MANBA: variants seen among roughly 807,000 people sequenced by gnomAD.
The protein encoded by MANBA is mannosidase beta.
A neutral mutation model predicts 111.1 loss-of-function variants in MANBA; 83 were observed. The observed-to-expected ratio is 0.75, with a 90% CI of 0.63 to 0.90. MANBA has a LOEUF of 0.90. Among genes scored for constraint, MANBA ranks in the 40% least tolerant of loss-of-function variants. MANBA has a pLI of 0.00. For synonymous variants in MANBA, 370 were observed against 378.7 expected, an observed-to-expected ratio of 0.98 and a Z score of 0.27; for missense variants, 1,036 against 1,069.0, an observed-to-expected ratio of 0.97 and a Z score of 0.43.
In MANBA at chr4:102,671,932, A is replaced by G. The variant is rs899582788; in HGVS notation, c.1113-534T>C. The G allele has an allele frequency of 1.5e-4, 62 of 409,454 alleles. 9 individuals carry two copies. The Admixed American group carries it at 1.6e-3, about 10-fold the overall frequency. The allele number at this position is 409,454 out of a possible 1,614,324, so 25.4% of individuals were successfully genotyped here. On this transcript the variant is annotated intron_variant, in intron 8 of 16. Coordinates refer to ENST00000647097, the MANE Select transcript of MANBA (RefSeq NM_005908.4). ...CATGTACCTTCCCTCCATTCCCAGA[A>G]CAGTGCTCAAACCAAGTAACAGGCT...
intron 13 of MANBA, among the ~76,000 whole-genome samples, chr4:102,640,626 G>A (rs1008267968): frequency 8.5e-5 from 13 of 152,148 alleles, no homozygotes; most frequent in Admixed American, 5.2e-4. Flanking sequence ...GGACCACTGA[G>A]GAGAACCCAG....
intron 1 of MANBA, among the ~76,000 whole-genome samples, chr4:102,743,571 C>T (rs1723487562): frequency 6.6e-6 from 1 of 152,124 alleles, no homozygotes. Context: ...GGAGAGACGG[C>T]AGGGTGGCAG....
rs1206132271 is a variant in MANBA at position 102,631,648 on chromosome 4, G to C, written c.*409C>G. 7.0e-6 allele frequency: 3 copies of C among 430,554 alleles called. No individual in the cohort carries two copies. The highest frequency in any genetic ancestry group is 1.8e-4 in the South Asian group (2 of 11,238). 26.7% of individuals were successfully genotyped at this position (430,554 alleles called of 1,614,324 possible). A position where few individuals can be genotyped will look rare whatever the true frequency, so the allele number is the denominator to read the frequency against. On this transcript the variant is annotated 3_prime_UTR_variant, in exon 17 of 17. Coordinates refer to ENST00000647097, the MANE Select transcript of MANBA (RefSeq NM_005908.4). ...GAAATAATAACAAAGCACTTTATTT[G>C]AGTATTCCGTATTCCCCAAAGCTAG...
At chr4:102,729,141 C>A (rs1578944804) in intron 1 of MANBA, 2 of 727,574 alleles carry the variant, frequency 2.7e-6, no homozygotes, top group East Asian at 5.3e-5. Context: ...TCCTTAACAG[C>A]CAGCCCCCTG....
At chr4:102,657,543 T>C (rs1489679458) in intron 12 of MANBA, 139 bp downstream of exon 12, 1 of 742,890 alleles carries the variant, frequency 1.3e-6, no homozygotes, top group African/African-American at 1.8e-5. Context: ...TTTAAAAAAA[T>C]TATTTTCCTC....
chr4:102,725,773 GA>G (rs1722770357), intron 2 of MANBA, among the ~76,000 whole-genome samples: 2 of 152,130 alleles, frequency 1.3e-5, no homozygotes, highest in South Asian at 4.1e-4. Flanking sequence ...CAAACCAAGA[GA>G]AATGTTAAAC....
chr4:102,708,829 CA>C (rs1448681134), intron 5 of MANBA, among the ~76,000 whole-genome samples: 1 of 151,412 alleles, frequency 6.6e-6, no homozygotes, highest in Non-Finnish European at 1.5e-5. Context: ...TACACGTTTA[CA>C]AAATATACTA....
At chr4:102,704,656 T>G (rs2110262439) in intron 5 of MANBA, among the ~76,000 whole-genome samples, 1 of 152,234 alleles carries the variant, frequency 6.6e-6, no homozygotes, top group Middle Eastern at 3.4e-3. Context: ...CCAGACCACA[T>G]TAGCTTATTC....
At chr4:102,703,316 T>C (rs970136484) in intron 5 of MANBA, among the ~76,000 whole-genome samples, 2 of 152,232 alleles carry the variant, frequency 1.3e-5, no homozygotes, top group African/African-American at 4.8e-5. Context: ...TACTCCATCT[T>C]GCTTGTAACA....
intron 14 of MANBA, among the ~76,000 whole-genome samples, chr4:102,638,402 G>T (rs1396808677): frequency 3.3e-5 from 5 of 152,004 alleles, no homozygotes; most frequent in Non-Finnish European, 7.4e-5. Flanking sequence ...CTCCAGCCTG[G>T]GCAAAAGCAG....
rs551969460 is a variant in MANBA, at chr4:102,750,310, G to GT, written c.177+10407dup. Among the ~76,000 whole-genome samples, 369 of 146,928 alleles carry GT rather than the reference G, an allele frequency of 2.5e-3. 1 individual carries two copies. The Middle Eastern group carries it at 0.039, about 16-fold the overall frequency. ...TCACGTAAAGCCAAATATTTCCTTA[G>GT]TTTTTTTTTTATTTAAAAAACATTT... is the stretch of plus-strand genomic sequence containing the variant. On this transcript the variant is annotated intron_variant, in intron 1 of 16. Coordinates refer to ENST00000647097, the MANE Select transcript of MANBA (RefSeq NM_005908.4).
At chr4:102,748,917 GA>G (rs111380449) in intron 1 of MANBA, among the ~76,000 whole-genome samples, 56 of 139,684 alleles carry the variant, frequency 4.0e-4, no homozygotes, top group Middle Eastern at 7.3e-3. Context: ...CATCTAAAAA[GA>G]AAAAAAAAAA....
chr4:102,640,284 C>G (rs764212840), intron 13 of MANBA, among the ~76,000 whole-genome samples: 1 of 152,080 alleles, frequency 6.6e-6, no homozygotes, highest in Non-Finnish European at 1.5e-5. Context: ...AGAAAAAATT[C>G]TATAAGAAAA....
chr4:102,749,917 G>A (rs1358070150), intron 1 of MANBA, among the ~76,000 whole-genome samples: 2 of 152,150 alleles, frequency 1.3e-5, no homozygotes, highest in South Asian at 2.1e-4. Flanking sequence ...TCGGGGCCAC[G>A]CAAAGCAAAT....
rs527891500 is a variant in MANBA, at chr4:102,736,392, T to C, written c.178-9709A>G. Among the ~76,000 whole-genome samples the C allele has an allele frequency of 5.9e-5, 9 of 152,342 alleles. No individual in the cohort carries two copies. The East Asian group carries it at 1.7e-3, about 29-fold the overall frequency. On this transcript the variant is annotated intron_variant, in intron 1 of 16. Transcript: ENST00000647097. ...TCAGAGCATGCAAATGACAATATCATCAGTCTCATTTTCTCAGTAAGCTTC... is the reference window on the plus strand; with the variant it reads ...TCAGAGCATGCAAATGACAATATCACCAGTCTCATTTTCTCAGTAAGCTTC...
At position 102,671,374 on chromosome 4, in the gene MANBA, A is replaced by C. The variant is rs1471559441; in HGVS notation, c.1137T>G (p.Val379=). 1.2e-6 allele frequency: 2 copies of C among 1,606,088 alleles called. No homozygotes were observed. The highest frequency in any genetic ancestry group is 3.3e-5 in the Admixed American group (2 of 60,010). The change falls in exon 9 of 17, where the codon GTT becomes GTG. Residue 379 remains valine (V), a synonymous_variant. Coordinates refer to ENST00000647097, the MANE Select transcript of MANBA (RefSeq NM_005908.4). ...GAAGAGTATTCATATTAGCATCCACAACAGACTGTAAAAGGAGCCGTAACC... is the reference window on the plus strand; with the variant it reads ...GAAGAGTATTCATATTAGCATCCACCACAGACTGTAAAAGGAGCCGTAACC... ...SELLRLLLQS[V]VDANMNTLRV...
At chr4:102,752,425 A>G (rs1257189805) in intron 1 of MANBA, 2 of 892,826 alleles carry the variant, frequency 2.2e-6, no homozygotes, top group Non-Finnish European at 3.8e-6. Context: ...GACATTAGTA[A>G]AATGGTCTCC....
intron 1 of MANBA, among the ~76,000 whole-genome samples, chr4:102,760,471 C>G (rs1724197596): frequency 6.6e-6 from 1 of 152,216 alleles, no homozygotes; most frequent in Non-Finnish European, 1.5e-5. Flanking sequence ...CAACACTGTT[C>G]CCCTATCTAA....
intron 5 of MANBA, among the ~76,000 whole-genome samples, chr4:102,691,554 C>T (rs548269877): frequency 1.2e-4 from 18 of 150,134 alleles, no homozygotes; most frequent in Non-Finnish European, 2.2e-4. Flanking sequence ...CACTCTGTTG[C>T]CCCGGGAGTC....
Sources: gnomAD v4.1 joint callset for allele counts (sites outside exome capture counted in the v4.1 genomes callset) on GRCh38, gnomAD v4.1.1 for gene constraint, MANE v1.5 for transcripts, NCBI Gene and HGNC (gene_info 2026-07-23, HGNC 2026-07-21) for gene names.